IL1RAPL1: variants seen among roughly 807,000 people sequenced by gnomAD.
IL1RAPL1 encodes the protein interleukin-1 receptor accessory protein-like 1.
IL1RAPL1 carries 3 observed loss-of-function variants against 48.4 expected under a neutral mutation model. That is an observed-to-expected ratio of 0.06 (90% CI 0.03 to 0.16). The LOEUF is 0.16. IL1RAPL1 is among the 10% of genes least tolerant of loss of function. IL1RAPL1 has a pLI of 1.00. For missense variants in IL1RAPL1, 349 were observed against 530.6 expected (o/e 0.66, Z 3.36); for synonymous variants, 185 against 187.7 (o/e 0.99, Z 0.12).
chrX:28,701,856 T>C (rs961344529), intron 1 of IL1RAPL1, among the ~76,000 whole-genome samples: 4 of 111,499 alleles, frequency 3.6e-5, no homozygotes, highest in African/African-American at 1.3e-4. Context: ...AAAGGGAAGA[T>C]AATTAAAGAA....
chrX:29,724,589 A>G (rs1927727829), intron 6 of IL1RAPL1, among the ~76,000 whole-genome samples: 1 of 112,176 alleles, frequency 8.9e-6, no homozygotes, highest in Non-Finnish European at 1.9e-5. Context: ...TTTAAAGGAG[A>G]AAATGCAAAT....
chrX:29,058,338 C>T (rs931134730), intron 2 of IL1RAPL1, among the ~76,000 whole-genome samples: 1 of 104,757 alleles, frequency 9.5e-6, no homozygotes, highest in East Asian at 3.0e-4. Flanking sequence ...GATCACACCA[C>T]TGTACTCCAG....
At chrX:29,368,934 C>A in intron 3 of IL1RAPL1, 1 of 120,383 alleles carries the variant, frequency 8.3e-6, no homozygotes, top group Non-Finnish European at 1.7e-5. Context: ...ACTGTTCTAT[C>A]TTCTGTTGCT....
At chrX:29,652,648 G>A (rs756591636) in intron 5 of IL1RAPL1, among the ~76,000 whole-genome samples, 15 of 111,724 alleles carry the variant, frequency 1.3e-4, no homozygotes, top group African/African-American at 4.9e-4. Context: ...TTGTTCTGCT[G>A]TTACTGAGTA....
chrX:29,675,236 A>G (rs1926247147), intron 6 of IL1RAPL1, among the ~76,000 whole-genome samples: 2 of 112,513 alleles, frequency 1.8e-5, no homozygotes, highest in African/African-American at 3.2e-5. Flanking sequence ...CAAATTTACA[A>G]TGAAGCACTT....
intron 5 of IL1RAPL1, among the ~76,000 whole-genome samples, chrX:29,458,937 A>C (rs1934771916): frequency 8.9e-6 from 1 of 111,887 alleles, no homozygotes; most frequent in Non-Finnish European, 1.9e-5. Context: ...AACTATTCAC[A>C]TTCTGTCACA....
chrX:29,469,984 G>A (rs776033964), intron 5 of IL1RAPL1, among the ~76,000 whole-genome samples: 4 of 112,184 alleles, frequency 3.6e-5, no homozygotes, highest in African/African-American at 1.3e-4. Flanking sequence ...TACTTCAGGA[G>A]AAAATCTTGT....
intron 2 of IL1RAPL1, among the ~76,000 whole-genome samples, chrX:28,978,429 T>G (rs759715178): frequency 9.0e-6 from 1 of 111,645 alleles, no homozygotes; most frequent in Non-Finnish European, 1.9e-5. Context: ...GAGAATAAAA[T>G]AGCCATTCAG....
At chrX:28,697,468 AC>A (rs1327004831) in intron 1 of IL1RAPL1, among the ~76,000 whole-genome samples, 2 of 111,116 alleles carry the variant, frequency 1.8e-5, no homozygotes, top group Non-Finnish European at 3.8e-5. Flanking sequence ...ATTTTTAAAA[AC>A]ATATGTAATC....
intron 2 of IL1RAPL1, among the ~76,000 whole-genome samples, chrX:28,926,589 C>T (rs901072053): frequency 2.7e-5 from 3 of 111,406 alleles, no homozygotes; most frequent in Admixed American, 9.5e-5. Context: ...TTGATTATAG[C>T]AAACCATCTC....
chrX:29,336,269 C>CATATATATATATATATATATATAT (rs57126796), intron 3 of IL1RAPL1, among the ~76,000 whole-genome samples: 4 of 57,463 alleles, frequency 7.0e-5, no homozygotes, highest in African/African-American at 1.9e-4. Flanking sequence ...ATATATATGC[C>CATATATATATATATATATATATAT]ATATATATAT....
intron 2 of IL1RAPL1, among the ~76,000 whole-genome samples, chrX:28,981,090 C>CAAAAAAAAAAAAAAAAAAAA (rs57824632): frequency 4.1e-5 from 1 of 24,323 alleles, no homozygotes; most frequent in African/African-American, 2.1e-4. Flanking sequence ...GACCCTGTCT[C>CAAAAAAAAAAAAAAAAAAAA]AAAAAAAAAA....
At chrX:29,668,272 T>G (rs1384262698) in intron 5 of IL1RAPL1, among the ~76,000 whole-genome samples, 158 bp from the exon 6 acceptor site, 6 of 112,486 alleles carry the variant, frequency 5.3e-5, no homozygotes, top group African/African-American at 1.9e-4. Context: ...TCAGCTTGCC[T>G]GAAGGTGTTA....
chrX:29,332,157 G>A (rs1364837799), intron 3 of IL1RAPL1, among the ~76,000 whole-genome samples: 8 of 41,520 alleles, frequency 1.9e-4, no homozygotes, highest in African/African-American at 7.4e-4. Flanking sequence ...TCATTGTTAC[G>A]AAACAGATGA....
chrX:29,570,525 C>A (rs2147797930), intron 5 of IL1RAPL1, among the ~76,000 whole-genome samples: 1 of 112,310 alleles, frequency 8.9e-6, no homozygotes, highest in Non-Finnish European at 1.9e-5. Flanking sequence ...ATAAATTCAA[C>A]AAAATACCTT....
At chrX:29,068,761 CTTTTATGCCTTTTT>C (rs2147438775) in intron 2 of IL1RAPL1, among the ~76,000 whole-genome samples, 1 of 112,154 alleles carries the variant, frequency 8.9e-6, no homozygotes, top group South Asian at 3.7e-4. Context: ...ATGTAAAGAA[CTTTTATGCCTTTTT>C]TAAGAGTTCA....
At chrX:29,358,896 C>T (rs1181864649) in intron 3 of IL1RAPL1, among the ~76,000 whole-genome samples, 3 of 109,224 alleles carry the variant, frequency 2.7e-5, no homozygotes, top group Non-Finnish European at 5.7e-5. Context: ...TGGCACATGC[C>T]TGTAATCCCA....
chrX:28,616,570 A>C (rs1934221569), intron 1 of IL1RAPL1, among the ~76,000 whole-genome samples: 1 of 109,895 alleles, frequency 9.1e-6, no homozygotes, highest in Non-Finnish European at 1.9e-5. Context: ...AGTAGCGGGG[A>C]CTACAGGCGT....
At chrX:28,691,016 A>G (rs1935171847) in intron 1 of IL1RAPL1, among the ~76,000 whole-genome samples, 1 of 111,736 alleles carries the variant, frequency 8.9e-6, no homozygotes, top group African/African-American at 3.3e-5. Flanking sequence ...AAAGTCAATC[A>G]TTTTTAAAGA....
Sources: allele counts gnomAD v4.1 joint callset (sites outside exome capture counted in the v4.1 genomes callset), GRCh38; gene constraint gnomAD v4.1.1; transcripts MANE v1.5; gene names NCBI Gene and HGNC (gene_info 2026-07-23, HGNC 2026-07-21).